Variants in DLG2 observed in about 807,000 individuals in gnomAD.
DLG2 encodes the protein discs large MAGUK scaffold protein 2.
A neutral mutation model predicts 132.5 loss-of-function variants in DLG2; 45 were observed. That is an observed-to-expected ratio of 0.34 (90% confidence interval 0.27 to 0.44). The LOEUF (loss-of-function observed/expected upper bound fraction) is 0.44, where lower values mean the gene tolerates loss of function less well. Ranked by LOEUF, DLG2 falls within the 20% of genes least tolerant of loss-of-function variation. DLG2 has a pLI of 1.00. For missense variants in DLG2, 1,045 were observed against 1,196.9 expected, an observed-to-expected ratio of 0.87 and a Z score of 1.87; for synonymous variants, 424 against 419.6, an observed-to-expected ratio of 1.01 and a Z score of -0.13.
chr11:84,101,912 T>C (rs1306438930), intron 9 of DLG2, among the ~76,000 whole-genome samples: 2 of 152,142 alleles, frequency 1.3e-5, no homozygotes, highest in African/African-American at 4.8e-5. Context: ...ATATTCGTGA[T>C]CTAACTCTTA....
intron 6 of DLG2, among the ~76,000 whole-genome samples, chr11:84,641,038 A>G (rs1201396272): frequency 6.6e-6 from 1 of 152,140 alleles, no homozygotes; most frequent in African/African-American, 2.4e-5. Flanking sequence ...ACTTCTGATC[A>G]CTTTTCCCTC....
At chr11:84,757,401 A>G (rs1254451516) in intron 6 of DLG2, among the ~76,000 whole-genome samples, 2 of 152,282 alleles carry the variant, frequency 1.3e-5, no homozygotes, top group East Asian at 3.9e-4. Context: ...GGTCTGCAGT[A>G]GATTGTAAAT....
Position 84,163,542 on chromosome 11 carries a change from T to A in DLG2, c.574-31A>T, listed in dbSNP as rs57093812. 2,862 of 1,556,044 alleles carry A rather than the reference T, an allele frequency of 1.8e-3. 36 individuals carry two copies. The African/African-American group carries it at 0.032, about 17-fold the overall frequency. On this transcript the variant is annotated intron_variant, in intron 8 of 27. Transcript: ENST00000376104. ...AATAGGGAAAAAATAAGAAGAGAAC[T>A]ATTAAATACATGTTGAGGAGGAGAC...
intron 3 of DLG2, among the ~76,000 whole-genome samples, chr11:85,428,774 G>A (rs1272608572): frequency 5.3e-5 from 8 of 152,130 alleles, no homozygotes; most frequent in South Asian, 2.1e-4. Flanking sequence ...AAATAACTAA[G>A]ATCAGAGCAG....
intron 18 of DLG2, among the ~76,000 whole-genome samples, chr11:83,752,686 T>C (rs780341081): frequency 3.3e-5 from 5 of 152,220 alleles, no homozygotes; most frequent in African/African-American, 4.8e-5. Context: ...TGTTTTAAGA[T>C]GGGAGAAATA....
chr11:84,943,357 T>C (rs189481003), intron 6 of DLG2, among the ~76,000 whole-genome samples: 41 of 152,074 alleles, frequency 2.7e-4, no homozygotes, highest in African/African-American at 9.9e-4. Flanking sequence ...TGCCTGCCTT[T>C]CTGCCTTCCT....
intron 3 of DLG2, among the ~76,000 whole-genome samples, chr11:85,411,593 T>C (rs2089314562): frequency 6.6e-6 from 1 of 151,916 alleles, no homozygotes; most frequent in Non-Finnish European, 1.5e-5. Flanking sequence ...TACCTAATTG[T>C]GATGATCAAT....
intron 6 of DLG2, among the ~76,000 whole-genome samples, chr11:85,094,709 A>G (rs2069428557): frequency 6.6e-6 from 1 of 152,238 alleles, no homozygotes; most frequent in Non-Finnish European, 1.5e-5. Context: ...ATCTATCTAG[A>G]CAATTAAAAC....
chr11:83,491,908 C>T (rs1488244868), intron 21 of DLG2, among the ~76,000 whole-genome samples: 3 of 151,808 alleles, frequency 2.0e-5, no homozygotes, highest in Admixed American at 6.6e-5. Flanking sequence ...CTTCAAATAT[C>T]GTAACATCAT....
intron 19 of DLG2, among the ~76,000 whole-genome samples, chr11:83,589,517 A>C (rs1407923124): frequency 2.6e-5 from 4 of 151,992 alleles, no homozygotes; most frequent in African/African-American, 7.3e-5. Flanking sequence ...GAACAACCGG[A>C]ACCAGCCACT....
At chr11:84,520,751 T>G (rs981359177) in intron 7 of DLG2, among the ~76,000 whole-genome samples, 2 of 152,030 alleles carry the variant, frequency 1.3e-5, no homozygotes, top group Admixed American at 6.6e-5. Flanking sequence ...ACACAGGAAT[T>G]TGAGTGTGGA....
At chr11:84,535,174 C>T (rs3017587) in intron 6 of DLG2, among the ~76,000 whole-genome samples, 136,190 of 152,274 alleles carry the variant, frequency 0.89, 61,038 homozygotes, top group East Asian at 0.95. Context: ...CTTAATTTTC[C>T]TTCAGAATTT....
intron 9 of DLG2, among the ~76,000 whole-genome samples, chr11:84,140,587 C>G (rs760707255): frequency 6.6e-6 from 1 of 151,952 alleles, no homozygotes; most frequent in Non-Finnish European, 1.5e-5. Flanking sequence ...ATTGTTTTTC[C>G]CTGGAGTTAG....
chr11:83,853,844 C>T (rs2060130681), intron 16 of DLG2, among the ~76,000 whole-genome samples: 1 of 152,074 alleles, frequency 6.6e-6, no homozygotes, highest in African/African-American at 2.4e-5. Context: ...TCCCTTTCAC[C>T]ACCGCCTTTC....
At chr11:84,441,158 C>T (rs867235359) in intron 7 of DLG2, among the ~76,000 whole-genome samples, 5 of 106,732 alleles carry the variant, frequency 4.7e-5, no homozygotes, top group African/African-American at 3.6e-4. Flanking sequence ...ATTATTATTA[C>T]TATTTTGAGA....
chr11:83,500,958 CATT>C (rs2139082516), intron 21 of DLG2, among the ~76,000 whole-genome samples: 1 of 152,132 alleles, frequency 6.6e-6, no homozygotes, highest in East Asian at 1.9e-4. Flanking sequence ...AGGATTTCAT[CATT>C]AAGTTTCAAA....
intron 6 of DLG2, among the ~76,000 whole-genome samples, chr11:85,049,513 T>C (rs1021783062): frequency 6.6e-6 from 1 of 152,018 alleles, no homozygotes; most frequent in African/African-American, 2.4e-5. Context: ...CACTGTAGGA[T>C]GTTTAGCAGA....
chr11:85,572,054 GCTT>G (rs1459969045), intron 3 of DLG2, among the ~76,000 whole-genome samples: 1 of 152,128 alleles, frequency 6.6e-6, no homozygotes, highest in Admixed American at 6.6e-5. Flanking sequence ...CAGAGATTCA[GCTT>G]CTTTCTCTTG....
intron 4 of DLG2, among the ~76,000 whole-genome samples, chr11:85,206,773 C>G (rs2081924550): frequency 6.6e-6 from 1 of 151,996 alleles, no homozygotes; most frequent in Non-Finnish European, 1.5e-5. Flanking sequence ...GCAGAGCTTG[C>G]AGTGAGACGA....
Sources: gnomAD v4.1 joint callset for allele counts (sites outside exome capture counted in the v4.1 genomes callset) on GRCh38, gnomAD v4.1.1 for gene constraint, MANE v1.5 for transcripts, NCBI Gene and HGNC (gene_info 2026-07-23, HGNC 2026-07-21) for gene names.